Variants in IMMP2L observed in about 807,000 individuals in gnomAD.
IMMP2L encodes mitochondrial inner membrane protease subunit 2.
In IMMP2L, 18 loss-of-function variants were observed where a neutral mutation model predicts 19.3. The ratio of observed to expected loss-of-function variants is 0.93; its 90% CI spans 0.64 to 1.38. The LOEUF (loss-of-function observed/expected upper bound fraction) is 1.38, where lower values mean the gene tolerates loss of function less well. IMMP2L is among the 40% of genes most tolerant of loss of function. The pLI is 0.00. For synonymous variants in IMMP2L, 76 were observed against 73.0 expected (o/e 1.04, Z -0.21); for missense variants, 233 against 218.2 (o/e 1.07, Z -0.43).
intron 5 of IMMP2L, among the ~76,000 whole-genome samples, chr7:110,868,170 G>A (rs992865895): frequency 1.2e-4 from 16 of 130,804 alleles, no homozygotes; most frequent in African/African-American, 4.0e-4. Flanking sequence ...TCAGTGATAC[G>A]GAGAGACAAG....
chr7:110,703,581 A>G (rs779595622), intron 5 of IMMP2L, among the ~76,000 whole-genome samples: 3 of 152,174 alleles, frequency 2.0e-5, no homozygotes, highest in Admixed American at 6.6e-5. Flanking sequence ...AGATAAATAT[A>G]CAAAATCAGT....
chr7:110,858,872 T>C (rs942710629), intron 5 of IMMP2L, among the ~76,000 whole-genome samples: 2 of 151,970 alleles, frequency 1.3e-5, no homozygotes, highest in Non-Finnish European at 1.5e-5. Context: ...TTTGTCCTTG[T>C]GATAGTTTAC....
intron 3 of IMMP2L, among the ~76,000 whole-genome samples, chr7:111,243,149 T>C (rs907181352): frequency 2.0e-5 from 3 of 152,128 alleles, no homozygotes; most frequent in Non-Finnish European, 2.9e-5. Flanking sequence ...CAGGAATTTT[T>C]AAATGTATGG....
chr7:111,514,303 G>A (rs1431643781), intron 2 of IMMP2L, among the ~76,000 whole-genome samples: 1 of 152,008 alleles, frequency 6.6e-6, no homozygotes, highest in East Asian at 1.9e-4. Flanking sequence ...CTCACTCACA[G>A]GTGGGAACTG....
chr7:111,066,489 T>C (rs1045667562), intron 3 of IMMP2L, among the ~76,000 whole-genome samples: 1 of 152,166 alleles, frequency 6.6e-6, no homozygotes, highest in Non-Finnish European at 1.5e-5. Flanking sequence ...ATGAAAGAAA[T>C]TGCTTCAGAA....
At chr7:111,206,441 T>C (rs942846969) in intron 3 of IMMP2L, among the ~76,000 whole-genome samples, 1 of 152,184 alleles carries the variant, frequency 6.6e-6, no homozygotes, top group African/African-American at 2.4e-5. Context: ...AGTCTACATT[T>C]ATATGCATTT....
rs370187098 is a variant in IMMP2L at position 111,422,627 on chromosome 7, T to C, written c.239+64611A>G. Among the ~76,000 whole-genome samples, 106 of 152,052 alleles carry C rather than the reference T, an allele frequency of 7.0e-4. 2 individuals are homozygous for C. In the South Asian group the frequency reaches 0.02, roughly 29 times the overall value. The stretch of plus-strand genomic sequence containing the variant: ...TTAAGGAGATTTTGGGTTGAGACGA[T>C]AGTCTTTTCTACAAATACAATCATG... On this transcript the variant is annotated intron_variant, in intron 3 of 5. Coordinates refer to ENST00000405709, the MANE Select transcript of IMMP2L (RefSeq NM_032549.4).
intron 3 of IMMP2L, among the ~76,000 whole-genome samples, chr7:111,015,599 T>C (rs1234583011): frequency 6.6e-6 from 1 of 152,186 alleles, no homozygotes; most frequent in African/African-American, 2.4e-5. Flanking sequence ...TGTTTGAGTC[T>C]ATCTACATGA....
At chr7:111,027,995 T>C (rs758492042) in intron 3 of IMMP2L, among the ~76,000 whole-genome samples, 1 of 152,084 alleles carries the variant, frequency 6.6e-6, no homozygotes, top group Non-Finnish European at 1.5e-5. Context: ...TTTAAATTCA[T>C]GGGTTAAAAA....
At chr7:111,114,954 ACAGGCATCAC>A (rs1463683396) in intron 3 of IMMP2L, among the ~76,000 whole-genome samples, 1 of 152,132 alleles carries the variant, frequency 6.6e-6, no homozygotes, top group Non-Finnish European at 1.5e-5. Context: ...AATTTTACAG[ACAGGCATCAC>A]CCAAATAGAG....
At chr7:111,544,141 C>T (rs566950723) in intron 1 of IMMP2L, among the ~76,000 whole-genome samples, 5 of 152,048 alleles carry the variant, frequency 3.3e-5, no homozygotes, top group African/African-American at 1.2e-4. Flanking sequence ...AGCAAACTAT[C>T]CCAAGGACAG....
intron 3 of IMMP2L, among the ~76,000 whole-genome samples, chr7:111,094,724 G>C (rs1332668153): frequency 6.6e-6 from 1 of 152,122 alleles, no homozygotes; most frequent in Non-Finnish European, 1.5e-5. Flanking sequence ...ATAAAGTGAT[G>C]TATTGTTAGA....
chr7:111,473,437 TTAAAAG>T (rs1405700803), intron 3 of IMMP2L, among the ~76,000 whole-genome samples: 1 of 152,182 alleles, frequency 6.6e-6, no homozygotes, highest in Non-Finnish European at 1.5e-5. Context: ...TACCACATCC[TTAAAAG>T]TTTTCAAGTT....
chr7:111,314,418 A>G (rs547801081), intron 3 of IMMP2L, among the ~76,000 whole-genome samples: 8 of 152,284 alleles, frequency 5.3e-5, no homozygotes, highest in South Asian at 2.1e-4. Flanking sequence ...TGAGCAAAGT[A>G]TGATTCTATT....
chr7:111,464,991 A>G (rs1277585207), intron 3 of IMMP2L, among the ~76,000 whole-genome samples: 1 of 152,058 alleles, frequency 6.6e-6, no homozygotes. Context: ...ACAAGGTTTC[A>G]CCGTGTTAGC....
At chr7:110,901,866 A>C (rs553137682) in intron 4 of IMMP2L, among the ~76,000 whole-genome samples, 1 of 152,310 alleles carries the variant, frequency 6.6e-6, no homozygotes, top group African/African-American at 2.4e-5. Flanking sequence ...TTTTAGATAT[A>C]TCTGAAGTAG....
At chr7:110,682,276 C>A (rs1298067772) in intron 5 of IMMP2L, among the ~76,000 whole-genome samples, 1 of 152,164 alleles carries the variant, frequency 6.6e-6, no homozygotes, top group African/African-American at 2.4e-5. Flanking sequence ...CTACATGCCA[C>A]CTCCTTCTGG....
intron 3 of IMMP2L, among the ~76,000 whole-genome samples, chr7:110,966,493 T>TA (rs1819558454): frequency 6.7e-6 from 1 of 148,288 alleles, no homozygotes; most frequent in Admixed American, 6.6e-5. Flanking sequence ...CCTATCAGTG[T>TA]AAAAAATATT....
chr7:110,666,521 G>C (rs1791469017), intron 5 of IMMP2L, among the ~76,000 whole-genome samples: 1 of 152,060 alleles, frequency 6.6e-6, no homozygotes, highest in African/African-American at 2.4e-5. Context: ...TGATCCACCA[G>C]CCTCAGCCTC....
Sources: allele counts gnomAD v4.1 joint callset (sites outside exome capture counted in the v4.1 genomes callset), GRCh38; gene constraint gnomAD v4.1.1; transcripts MANE v1.5; gene names NCBI Gene and HGNC (gene_info 2026-07-23, HGNC 2026-07-21).